KHSRP: variants seen among roughly 807,000 people sequenced by gnomAD.
KHSRP encodes the protein KH-type splicing regulatory protein, also known as far upstream element-binding protein 2.
KHSRP carries 13 observed loss-of-function variants against 94.9 expected under a neutral mutation model. The observed-to-expected ratio is 0.14, with a 90% CI of 0.09 to 0.22. The LOEUF (loss-of-function observed/expected upper bound fraction) is 0.22. KHSRP is among the 10% of genes least tolerant of loss of function. The pLI, the probability that KHSRP is intolerant of heterozygous loss-of-function variation, is 1.00. For synonymous variants in KHSRP, 495 were observed against 401.4 expected (o/e 1.23, Z -2.79); for missense variants, 710 against 1,010.0 (o/e 0.70, Z 4.03).
At position 6,416,413 on chromosome 19, in the gene KHSRP, A is replaced by T; in HGVS notation, c.1489-6T>A. ...CCAACTGGGCAGAGAGGACCCTAGA[A>T]GGAAGGAGAGTAACCAAGGTAAGTG... On this transcript the variant is annotated splice_region_variant and splice_polypyrimidine_tract_variant and intron_variant, in intron 14 of 18. Coordinates refer to ENST00000600480, the MANE Select transcript of KHSRP (RefSeq NM_001366299.1). 1 of 1,612,878 alleles carries T rather than the reference A, an allele frequency of 6.2e-7. No homozygotes were observed. The highest frequency in any genetic ancestry group is 8.5e-7 in the Non-Finnish European group (1 of 1,179,158).
intron 11 of KHSRP, among the ~76,000 whole-genome samples, chr19:6,417,335 A>G (rs964734452): frequency 3.3e-5 from 5 of 152,310 alleles, no homozygotes; most frequent in African/African-American, 1.2e-4. Context: ...GCACTGAGAG[A>G]TTTTACAGAA....
At position 6,419,196 on chromosome 19, in the gene KHSRP, G is replaced by A. The variant is rs766831902; in HGVS notation, c.605+7C>T. 7 of 1,578,614 alleles carry A rather than the reference G, an allele frequency of 4.4e-6. No individual in the cohort carries two copies. In the African/African-American group the frequency reaches 5.4e-5, roughly 12 times the overall value. On this transcript the variant is annotated splice_region_variant and intron_variant, in intron 7 of 18. Transcript: ENST00000600480. The stretch of plus-strand genomic sequence containing the variant: ...ACATCACAATGAGAGGCCCTGTGGG[G>A]ACTTACTGGACAGATTCTGGGGCTC...
chr19:6,418,959 A>G lies in KHSRP; in HGVS notation c.606-83T>C. 1 of 1,377,694 alleles carries G rather than the reference A, an allele frequency of 7.3e-7. No individual in the cohort carries two copies. The highest frequency in any genetic ancestry group is 1.5e-5 in the South Asian group (1 of 66,812). The allele number at this position is 1,377,694 out of a possible 1,614,324, so 85.3% of individuals were successfully genotyped here. On this transcript the variant is annotated intron_variant, in intron 7 of 18. Coordinates refer to ENST00000600480, the MANE Select transcript of KHSRP (RefSeq NM_001366299.1). This position sits in a 1 kb window ranked among gnomAD's most constrained non-coding sequence, Gnocchi z 4.3. ...CTGGTGGCCCACCCAGCTCAAAGGGAAGGCGACCCCAGAGTGTGCAAGGAT... is the reference window on the plus strand; with the variant it reads ...CTGGTGGCCCACCCAGCTCAAAGGGGAGGCGACCCCAGAGTGTGCAAGGAT...
rs1159809578 is a variant in KHSRP at position 6,415,890 on chromosome 19, C to T, written c.1605G>A (p.Gly535=). Residue 535 remains glycine (G), a synonymous_variant, in exon 16 of 19, where the codon GGG becomes GGA. Coordinates refer to ENST00000600480, the MANE Select transcript of KHSRP (RefSeq NM_001366299.1). The part of the protein sequence containing the change: ...QGPPGAPPHA[G]GPPPHQYPPQ... ...GTGGGTACTGGTGAGGAGGGGGCCC[C>T]CCGGCACTGCAGGAGAGAAGAAAGG... 6.6e-7 allele frequency: 1 copy of T among 1,518,212 alleles called. No individual in the cohort carries two copies. Among genetic ancestry groups the T allele is most frequent in the Non-Finnish European group, 8.8e-7 (1 of 1,132,326 alleles). 94.0% of individuals were successfully genotyped at this position (1,518,212 alleles called of 1,614,324 possible). A position where few individuals can be genotyped will look rare whatever the true frequency, so the allele number is the denominator to read the frequency against.
intron 10 of KHSRP, 33 bp from the exon 11 acceptor site, chr19:6,417,874 C>A (rs372710717): frequency 3.7e-6 from 6 of 1,606,510 alleles, no homozygotes; most frequent in Non-Finnish European, 5.1e-6. Flanking sequence ...CAGCTCGGCC[C>A]GCAGCTCTGC....
chr19:6,423,670 G>A (rs1487787315), intron 1 of KHSRP, among the ~76,000 whole-genome samples: 1 of 152,224 alleles, frequency 6.6e-6, no homozygotes, highest in Non-Finnish European at 1.5e-5. Context: ...CTTGGGAGGA[G>A]CCAGTCTCTA....
In KHSRP at chr19:6,424,671, G is replaced by T. The variant is rs2092222062; in HGVS notation, c.31C>A (p.Pro11Thr). 3 of 1,026,020 alleles carry T rather than the reference G, an allele frequency of 2.9e-6. No homozygotes were observed. The highest frequency in any genetic ancestry group is 1.2e-4 in the Admixed American group (2 of 16,994). 63.6% of individuals were successfully genotyped at this position (1,026,020 alleles called of 1,614,324 possible). ...CCGCCGGCGGGCGGCGGCGGCCCGGGCGGGGGTCCTCCCGTGCTGTAGTCC... is the reference window on the plus strand; with the variant it reads ...CCGCCGGCGGGCGGCGGCGGCCCGGTCGGGGGTCCTCCCGTGCTGTAGTCC... MSDYSTGGPP[P>T]GPPPPAGGGG... Residue 11 changes from proline (P) to threonine (T), a missense_variant, in exon 1 of 19, where the codon CCC becomes ACC. Physicochemically the swap from Pro to Thr is conservative, Grantham distance 38 (BLOSUM62 -1). Around this residue, in one of 5 missense-constraint regions of KHSRP, gnomAD observed 92 missense variants for 80.8 expected, o/e 1.14. Transcript: ENST00000600480.
rs964671540 is a variant in KHSRP, at chr19:6,414,315, G to A, written c.*709C>T. 16 of 1,397,592 alleles carry A rather than the reference G, an allele frequency of 1.1e-5. No individual in the cohort carries two copies. The highest frequency in any genetic ancestry group is 9.2e-5 in the Admixed American group (3 of 32,638). The allele number at this position is 1,397,592 out of a possible 1,614,324, so 86.6% of individuals were successfully genotyped here. A position where few individuals can be genotyped will look rare whatever the true frequency, so the allele number is the denominator to read the frequency against. Reference sequence around the variant, plus strand: ...TGCTCGCGGGACTCGCTGAAGTCACGCTGCTCCCTGATGGAGAAGGAGGGA... The same window carrying A: ...TGCTCGCGGGACTCGCTGAAGTCACACTGCTCCCTGATGGAGAAGGAGGGA... On this transcript the variant is annotated 3_prime_UTR_variant, in exon 19 of 19. Coordinates refer to ENST00000600480, the MANE Select transcript of KHSRP (RefSeq NM_001366299.1).
At chr19:6,422,065 T>G (rs2092198379) in intron 2 of KHSRP, among the ~76,000 whole-genome samples, 1 of 152,168 alleles carries the variant, frequency 6.6e-6, no homozygotes, top group Non-Finnish European at 1.5e-5. Context: ...CAAGCCTCAG[T>G]AACTGCTCCA....
rs1188843369 is a variant in KHSRP at position 6,413,529 on chromosome 19, C to A, written c.*1495G>T. The stretch of plus-strand genomic sequence containing the variant: ...CGGGGCCGCGGGAGCTGAGCCAGGG[C>A]GGGAGGGAGAGAAGAGGGGGCTTGG... On this transcript the variant is annotated 3_prime_UTR_variant, in exon 19 of 19. Coordinates refer to ENST00000600480, the MANE Select transcript of KHSRP (RefSeq NM_001366299.1). The A allele has an allele frequency of 2.2e-5, 3 of 138,890 alleles. No homozygotes were observed. Among genetic ancestry groups the A allele is most frequent in the South Asian group, 6.8e-5 (1 of 14,782 alleles). The allele number at this position is 138,890 out of a possible 1,614,324, so 8.6% of individuals were successfully genotyped here.
In KHSRP at chr19:6,418,535, T is replaced by G. The variant is rs750291970; in HGVS notation, c.827A>C (p.Asn276Thr). 6.2e-7 allele frequency: 1 copy of G among 1,613,994 alleles called. No individual in the cohort carries two copies. The highest frequency in any genetic ancestry group is 8.5e-7 in the Non-Finnish European group (1 of 1,179,878). ...KMILIQDGSQ[N>T]TNVDKPLRII... ...GCGGAGAGGTTTGTCCACATTCGTA[T>G]TCTGAGATCCGTCCTGAATTAAGAT... The change falls in exon 9 of 19, where the codon AAT becomes ACT. Residue 276 changes from asparagine to threonine, a missense_variant. Around this residue, in one of 5 missense-constraint regions of KHSRP, gnomAD observed 288 missense variants for 501.1 expected, o/e 0.57. Coordinates refer to ENST00000600480, the MANE Select transcript of KHSRP (RefSeq NM_001366299.1). The surrounding 1 kb of genome is among the most constrained non-coding windows in gnomAD (Gnocchi z 4.3).
At chr19:6,420,354 CAGG>C in intron 5 of KHSRP, 65 bp downstream of exon 5, 1 of 1,497,112 alleles carries the variant, frequency 6.7e-7, no homozygotes, top group Non-Finnish European at 9.3e-7. Flanking sequence ...TCTGGGCTGG[CAGG>C]AGCTCACAGG....
At chr19:6,424,382 A>T in intron 1 of KHSRP, 71 bp downstream of exon 1, 1 of 738,170 alleles carries the variant, frequency 1.4e-6, no homozygotes, top group Non-Finnish European at 1.6e-6. Context: ...GCGCGCGCGC[A>T]CGTGACCCCC....
At chr19:6,417,934 C>T in intron 10 of KHSRP, 47 bp downstream of exon 10, 1 of 1,601,230 alleles carries the variant, frequency 6.2e-7, no homozygotes, top group Non-Finnish European at 8.6e-7. Flanking sequence ...CCGGCCCCTC[C>T]CTCCACTGGC....
chr19:6,424,593 C>A lies in KHSRP; in HGVS notation c.109G>T (p.Ala37Ser). The change falls in exon 1 of 19, where the codon GCG becomes TCG. Residue 37 changes from alanine (A) to serine (S), a missense_variant. Transcript: ENST00000600480. Reference protein sequence around the residue: ...GGGPPPGPPGAGDRGGGGPGG... With the variant: ...GGGPPPGPPGSGDRGGGGPGG... Reference sequence around the variant, plus strand: ...GGACCGCCGCCGCCCCGGTCCCCCGCGCCTGGCGGGCCCGGCGGAGGGCCT... The same window carrying A: ...GGACCGCCGCCGCCCCGGTCCCCCGAGCCTGGCGGGCCCGGCGGAGGGCCT... 1 of 963,538 alleles carries A rather than the reference C, an allele frequency of 1.0e-6. No individual in the cohort carries two copies. The highest frequency in any genetic ancestry group is 1.2e-6 in the Non-Finnish European group (1 of 814,600). 59.7% of individuals were successfully genotyped at this position (963,538 alleles called of 1,614,324 possible). A position where few individuals can be genotyped will look rare whatever the true frequency, so the allele number is the denominator to read the frequency against.
chr19:6,420,409 G>T lies in KHSRP; in HGVS notation c.475+13C>A. ...AAGAGTGGGCCTCCCCACCCAAGGT[G>T]ACCCACACTCACTCAGGCCCACCAT... On this transcript the variant is annotated intron_variant, in intron 5 of 18. Coordinates refer to ENST00000600480, the MANE Select transcript of KHSRP (RefSeq NM_001366299.1). The T allele has an allele frequency of 6.2e-7, 1 of 1,613,390 alleles. No individual in the cohort carries two copies. Among genetic ancestry groups the T allele is most frequent in the South Asian group, 1.1e-5 (1 of 91,044 alleles).
intron 17 of KHSRP, 32 bp downstream of exon 17, chr19:6,415,502 G>T: frequency 6.5e-7 from 1 of 1,548,330 alleles, no homozygotes; most frequent in Non-Finnish European, 8.7e-7. Flanking sequence ...CCCCGGCAGG[G>T]CTGGAGCCCC....
In KHSRP at chr19:6,416,398, A is replaced by C; in HGVS notation, c.1498T>G (p.Cys500Gly). 1 of 1,613,454 alleles carries C rather than the reference A, an allele frequency of 6.2e-7. No individual in the cohort carries two copies. Residue 500 changes from cysteine to glycine, a missense_variant, in exon 15 of 19, where the codon TGC becomes GGC. Physicochemically the swap from Cys to Gly is radical, Grantham distance 159. Transcript: ENST00000600480. ...LIEEKIEGPL[C>G]PVGPGPGGPG... ...CCACCTGGGCCTGGTCCAACTGGGCAGAGAGGACCCTAGAAGGAAGGAGAG... is the reference window on the plus strand; with the variant it reads ...CCACCTGGGCCTGGTCCAACTGGGCCGAGAGGACCCTAGAAGGAAGGAGAG...
chr19:6,424,730 G>C lies in KHSRP; in HGVS notation c.-29C>G. On this transcript the variant is annotated 5_prime_UTR_variant, in exon 1 of 19. Coordinates refer to ENST00000600480, the MANE Select transcript of KHSRP (RefSeq NM_001366299.1). ...GCGGCGGGGCCGGGCCTGGCGCGGAGGCTGAAGCTGAGGAGGCGGCGGCGG... is the reference window on the plus strand; with the variant it reads ...GCGGCGGGGCCGGGCCTGGCGCGGACGCTGAAGCTGAGGAGGCGGCGGCGG... 1.8e-5 allele frequency: 18 copies of C among 1,013,436 alleles called. No homozygotes were observed. Among genetic ancestry groups the C allele is most frequent in the Non-Finnish European group, 2.1e-5 (18 of 839,412 alleles). 62.8% of individuals were successfully genotyped at this position (1,013,436 alleles called of 1,614,324 possible).
Sources: gnomAD v4.1 joint callset for allele counts (sites outside exome capture counted in the v4.1 genomes callset) on GRCh38, gnomAD v4.1.1 for gene constraint, gnomAD v4.1.1 regional missense constraint, Gnocchi (gnomAD v3.1) non-coding constraint, MANE v1.5 for transcripts, NCBI Gene and HGNC (gene_info 2026-07-23, HGNC 2026-07-21) for gene names.